Variants in JRK observed in about 807,000 individuals in gnomAD.
The protein encoded by JRK is Jrk helix-turn-helix protein.
For synonymous variants in JRK, 303 were observed against 218.1 expected, an observed-to-expected ratio of 1.39 and a Z score of -3.43; for missense variants, 720 against 509.2, an observed-to-expected ratio of 1.41 and a Z score of -3.98.
In JRK at chr8:142,658,995, A is replaced by C; in HGVS notation, c.*5357T>G. 6.3e-7 allele frequency: 1 copy of C among 1,581,448 alleles called. No homozygotes were observed. Among genetic ancestry groups the C allele is most frequent in the Non-Finnish European group, 8.6e-7 (1 of 1,162,172 alleles). On this transcript the variant is annotated 3_prime_UTR_variant, in exon 2 of 2. Coordinates refer to ENST00000612905, the MANE Select transcript of JRK (RefSeq NM_003724.4). ...CATGGAGGAGCGTCAGTATGTCCAC[A>C]CCATAGGGGTGTAGTCACTTCCCTC...
chr8:142,665,841 T>C lies in JRK; in HGVS notation c.218A>G (p.Lys73Arg). The C allele has an allele frequency of 1.3e-6, 1 of 779,670 alleles. No individual in the cohort carries two copies. Among genetic ancestry groups the C allele is most frequent in the East Asian group, 2.4e-5 (1 of 41,250 alleles). 48.3% of individuals were successfully genotyped at this position (779,670 alleles called of 1,614,324 possible). The change falls in exon 2 of 2, where the codon AAG becomes AGG. Residue 73 changes from lysine to arginine, a missense_variant. By Grantham distance (26) the Lys-to-Arg change is conservative (BLOSUM62 2). Coordinates refer to ENST00000612905, the MANE Select transcript of JRK (RefSeq NM_003724.4). ...CAGCGTGCGCCGCTGCTCCAGCGCC[T>C]TGTTGGAGTCGGAGCTGGCGAAGAA... Reference protein sequence around the residue: ...LRFFASSDSNKALEQRRTLHT... With the variant: ...LRFFASSDSNRALEQRRTLHT...
At chr8:142,655,191 A>G (rs1003864932), downstream of JRK, among the ~76,000 whole-genome samples, 1 of 152,202 alleles carries the variant, frequency 6.6e-6, no homozygotes, top group Non-Finnish European at 1.5e-5. Flanking sequence ...GCCCACACAG[A>G]GACCCTGGGG....
rs1320273666 is a variant in JRK, at chr8:142,661,678, C to A, written c.*2674G>T. The stretch of plus-strand genomic sequence containing the variant: ...CTTTCTCGCTCTGCTCTGGCAAGCT[C>A]CAGGGCTTCCCAGGGGCCTCAGCAG... On this transcript the variant is annotated 3_prime_UTR_variant, in exon 2 of 2. Transcript: ENST00000612905. 1 of 985,370 alleles carries A rather than the reference C, an allele frequency of 1.0e-6. No homozygotes were observed. The highest frequency in any genetic ancestry group is 1.7e-5 in the African/African-American group (1 of 57,220). 61.0% of individuals were successfully genotyped at this position (985,370 alleles called of 1,614,324 possible). A position where few individuals can be genotyped will look rare whatever the true frequency, so the allele number is the denominator to read the frequency against.
At chr8:142,644,744 A>G in the JRK span, among the ~76,000 whole-genome samples, 1 of 152,230 alleles carries the variant, frequency 6.6e-6, no homozygotes, top group Non-Finnish European at 1.5e-5. Context: ...TATTCCAAAC[A>G]ATAAACCCTA....
the JRK span, among the ~76,000 whole-genome samples, chr8:142,644,746 T>C: frequency 1.3e-5 from 2 of 152,148 alleles, no homozygotes; most frequent in African/African-American, 2.4e-5. Context: ...TTCCAAACAA[T>C]AAACCCTAAT....
chr8:142,664,682 T>G lies in JRK; in HGVS notation c.1377A>C (p.Ala459=). 1.2e-6 allele frequency: 2 copies of G among 1,611,090 alleles called. No individual in the cohort carries two copies. The highest frequency in any genetic ancestry group is 1.7e-6 in the Non-Finnish European group (2 of 1,179,054). The change falls in exon 2 of 2, where the codon GCA becomes GCC. Residue 459 remains alanine, a synonymous_variant. Coordinates refer to ENST00000612905, the MANE Select transcript of JRK (RefSeq NM_003724.4). ...TCTTTTCTGAACTCCACACAACCTC[T>G]GCTGGCGACGTGGCAGCAGGGGGCC... ...GGRPPAATSP[A]EVVWSSEKTP...
In JRK at chr8:142,663,474, ATC is replaced by A. The variant is rs1846982132; in HGVS notation, c.*876_*877del. ...TGACTTACGTGCAAACCTAAGACTA[ATC>A]TCTGAATGTCTGATCAAGACGTATT... On this transcript the variant is annotated 3_prime_UTR_variant, in exon 2 of 2. Coordinates refer to ENST00000612905, the MANE Select transcript of JRK (RefSeq NM_003724.4). The A allele has an allele frequency of 3.0e-6, 3 of 985,446 alleles. No individual in the cohort carries two copies. The highest frequency in any genetic ancestry group is 3.6e-6 in the Non-Finnish European group (3 of 829,920). 61.0% of individuals were successfully genotyped at this position (985,446 alleles called of 1,614,324 possible).
the JRK span, among the ~76,000 whole-genome samples, chr8:142,649,943 C>G: frequency 2.0e-5 from 3 of 152,272 alleles, no homozygotes; most frequent in Non-Finnish European, 4.4e-5. Context: ...GACACAGACA[C>G]TCAATACCAG....
chr8:142,646,077 T>C, the JRK span, among the ~76,000 whole-genome samples: 1 of 152,226 alleles, frequency 6.6e-6, no homozygotes, highest in South Asian at 2.1e-4. Context: ...TATTATTTAA[T>C]TTAACTTTAG....
At position 142,663,934 on chromosome 8, in the gene JRK, G is replaced by A. The variant is rs1387892658; in HGVS notation, c.*418C>T. On this transcript the variant is annotated 3_prime_UTR_variant, in exon 2 of 2. Coordinates refer to ENST00000612905, the MANE Select transcript of JRK (RefSeq NM_003724.4). Reference sequence around the variant, plus strand: ...GAGACGAAGCCTGTCCAGGGGCGGTGGGCATGGCCTCCTGTCGGCCTGGAG... The same window carrying A: ...GAGACGAAGCCTGTCCAGGGGCGGTAGGCATGGCCTCCTGTCGGCCTGGAG... 6 of 1,002,082 alleles carry A rather than the reference G, an allele frequency of 6.0e-6. No individual in the cohort carries two copies. The highest frequency in any genetic ancestry group is 1.7e-5 in the African/African-American group (1 of 57,972). The allele number at this position is 1,002,082 out of a possible 1,614,324, so 62.1% of individuals were successfully genotyped here.
chr8:142,654,723 C>G (rs1846717808), downstream of JRK, among the ~76,000 whole-genome samples: 1 of 151,976 alleles, frequency 6.6e-6, no homozygotes. Flanking sequence ...CTGTCCTGCC[C>G]AGGCGCCCTG....
chr8:142,653,426 T>A (rs1554633363), downstream of JRK, among the ~76,000 whole-genome samples: 1 of 152,102 alleles, frequency 6.6e-6, no homozygotes, highest in Non-Finnish European at 1.5e-5. Context: ...CAGGCTGGAG[T>A]GCAGTGGCAG....
Position 142,659,105 on chromosome 8 carries a change from T to C in JRK, c.*5247A>G, listed in dbSNP as rs1226895280. The C allele has an allele frequency of 9.5e-6, 13 of 1,370,720 alleles. No individual in the cohort carries two copies. Among genetic ancestry groups the C allele is most frequent in the South Asian group, 5.1e-5 (3 of 58,616 alleles). 84.9% of individuals were successfully genotyped at this position (1,370,720 alleles called of 1,614,324 possible). A position where few individuals can be genotyped will look rare whatever the true frequency, so the allele number is the denominator to read the frequency against. ...GACAGCCCATCAAGGTACAATGAAA[T>C]AGAAAAAAGGCTGGCCAGGTGCCAA... On this transcript the variant is annotated 3_prime_UTR_variant, in exon 2 of 2. Coordinates refer to ENST00000612905, the MANE Select transcript of JRK (RefSeq NM_003724.4).
the JRK span, among the ~76,000 whole-genome samples, chr8:142,644,831 T>A: frequency 2.0e-5 from 3 of 152,206 alleles, no homozygotes; most frequent in South Asian, 6.2e-4. Context: ...ATCTTGACCA[T>A]AAGATAGAAT....
Position 142,658,681 on chromosome 8 carries a change from TG to T in JRK, c.*5670del. ...GCCCCACCTCCTAATACCACCCTCCTGGGGGTCAGGGTTTCAACATATAAAC... is the reference window on the plus strand; with the variant it reads ...GCCCCACCTCCTAATACCACCCTCCTGGGGTCAGGGTTTCAACATATAAAC... On this transcript the variant is annotated 3_prime_UTR_variant, in exon 2 of 2. Coordinates refer to ENST00000612905, the MANE Select transcript of JRK (RefSeq NM_003724.4). 2 of 1,204,434 alleles carry T rather than the reference TG, an allele frequency of 1.7e-6. No individual in the cohort carries two copies. The highest frequency in any genetic ancestry group is 2.2e-6 in the Non-Finnish European group (2 of 905,558). 74.6% of individuals were successfully genotyped at this position (1,204,434 alleles called of 1,614,324 possible).
rs1445546868 is a variant in JRK, at chr8:142,660,307, G to A, written c.*4045C>T. The A allele has an allele frequency of 1.0e-6, 1 of 985,688 alleles. No individual in the cohort carries two copies. Among genetic ancestry groups the A allele is most frequent in the Admixed American group, 6.1e-5 (1 of 16,290 alleles). The allele number at this position is 985,688 out of a possible 1,614,324, so 61.1% of individuals were successfully genotyped here. A position where few individuals can be genotyped will look rare whatever the true frequency, so the allele number is the denominator to read the frequency against. ...AGGCCACCACCCACCCCTCACGGCTGCCACACCCACCAGCCCATGACTGTC... is the reference window on the plus strand; with the variant it reads ...AGGCCACCACCCACCCCTCACGGCTACCACACCCACCAGCCCATGACTGTC... On this transcript the variant is annotated 3_prime_UTR_variant, in exon 2 of 2. Transcript: ENST00000612905.
rs1847005019 is a variant in JRK at position 142,664,166 on chromosome 8, G to A, written c.*186C>T. ...CAAGTGATAAAATAAAACCTGTATT[G>A]ACAGGAACCTCGGGCACAGACCGTC... On this transcript the variant is annotated 3_prime_UTR_variant, in exon 2 of 2. Coordinates refer to ENST00000612905, the MANE Select transcript of JRK (RefSeq NM_003724.4). The A allele has an allele frequency of 7.4e-7, 1 of 1,359,622 alleles. No homozygotes were observed. Among genetic ancestry groups the A allele is most frequent in the Non-Finnish European group, 9.5e-7 (1 of 1,057,706 alleles). The allele number at this position is 1,359,622 out of a possible 1,614,324, so 84.2% of individuals were successfully genotyped here.
Position 142,660,907 on chromosome 8 carries a change from G to A in JRK, c.*3445C>T. The A allele has an allele frequency of 1.0e-6, 1 of 985,502 alleles. No individual in the cohort carries two copies. The highest frequency in any genetic ancestry group is 1.2e-6 in the Non-Finnish European group (1 of 830,034). 61.0% of individuals were successfully genotyped at this position (985,502 alleles called of 1,614,324 possible). On this transcript the variant is annotated 3_prime_UTR_variant, in exon 2 of 2. Coordinates refer to ENST00000612905, the MANE Select transcript of JRK (RefSeq NM_003724.4). ...TGGGACCCTGAACCTCCTCCAAATG[G>A]ACTTTAACTGGGGACAACTGATGAC...
the JRK span, among the ~76,000 whole-genome samples, chr8:142,647,801 G>A: frequency 1.3e-3 from 193 of 152,372 alleles, 2 homozygotes; most frequent in South Asian, 0.019. Context: ...TTTGGACTGC[G>A]TAAAAGGCAG....
Sources: allele counts gnomAD v4.1 joint callset (sites outside exome capture counted in the v4.1 genomes callset), GRCh38; gene constraint gnomAD v4.1.1; transcripts MANE v1.5; gene names NCBI Gene and HGNC (gene_info 2026-07-23, HGNC 2026-07-21).